RSPO3: variants seen among roughly 807,000 people sequenced by gnomAD.
The protein encoded by RSPO3 is R-spondin 3, also known as R-spondin-3.
A neutral mutation model predicts 36.5 loss-of-function variants in RSPO3; 17 were observed. That is an observed-to-expected ratio of 0.47 (90% CI 0.32 to 0.70). The LOEUF is 0.70. Ranked by LOEUF, RSPO3 falls within the 30% of genes least tolerant of loss-of-function variation. RSPO3 has a pLI of 0.04. For missense variants in RSPO3, 294 were observed against 322.5 expected, an observed-to-expected ratio of 0.91 and a Z score of 0.68; for synonymous variants, 108 against 107.0, an observed-to-expected ratio of 1.01 and a Z score of -0.06.
rs1775556205 is a variant in RSPO3 at position 127,198,367 on chromosome 6, G to A, written c.*2360G>A. On this transcript the variant is annotated 3_prime_UTR_variant, in exon 5 of 5. Transcript: ENST00000356698. ...TTTAACTGTAATTCTCCATCCACCA[G>A]TAACAGATCCTTAAGACAATAGAAT... is the stretch of plus-strand genomic sequence containing the variant. Among the ~76,000 whole-genome samples the A allele has an allele frequency of 6.6e-6, 1 of 152,198 alleles. No homozygotes were observed. The highest frequency in any genetic ancestry group is 1.5e-5 in the Non-Finnish European group (1 of 68,038).
Position 127,188,801 on chromosome 6 carries a change from TAAGA to T in RSPO3, c.635-7018_635-7015del, listed in dbSNP as rs1204784231. On this transcript the variant is annotated intron_variant, in intron 4 of 4. Transcript: ENST00000356698. ...CCAGCAAATTCAAATTTCAAGAGAT[TAAGA>T]AAGTACACTCCAAATCTTGATTTTT... Among the ~76,000 whole-genome samples, 3 of 152,174 alleles carry T rather than the reference TAAGA, an allele frequency of 2.0e-5. No homozygotes were observed. In the East Asian group the frequency reaches 5.8e-4, roughly 29 times the overall value.
chr6:127,169,476 ATGTAAT>A (rs1211455254), intron 4 of RSPO3, among the ~76,000 whole-genome samples: 2 of 151,828 alleles, frequency 1.3e-5, no homozygotes. Flanking sequence ...GCCTGTGCTG[ATGTAAT>A]TAAGAAGACT....
chr6:127,159,018 A>T (rs1195368826), intron 4 of RSPO3, among the ~76,000 whole-genome samples: 1 of 152,166 alleles, frequency 6.6e-6, no homozygotes, highest in Non-Finnish European at 1.5e-5. Context: ...AAGTAGAAGT[A>T]AACAAGGAGA....
chr6:127,197,265 A>T lies in RSPO3; in HGVS notation c.*1258A>T. 1 of 819,724 alleles carries T rather than the reference A, an allele frequency of 1.2e-6. No homozygotes were observed. Among genetic ancestry groups the T allele is most frequent in the Non-Finnish European group, 1.9e-6 (1 of 540,424 alleles). The allele number at this position is 819,724 out of a possible 1,614,324, so 50.8% of individuals were successfully genotyped here. ...GATATTTATTCCATTTTCTTATTTT[A>T]ATCAACATTCTAATTATAGACACAT... On this transcript the variant is annotated 3_prime_UTR_variant, in exon 5 of 5. Transcript: ENST00000356698.
chr6:127,146,526 T>G (rs1774387472), intron 1 of RSPO3, among the ~76,000 whole-genome samples: 1 of 152,078 alleles, frequency 6.6e-6, no homozygotes, highest in Non-Finnish European at 1.5e-5. Context: ...GGAATGTCAG[T>G]TTTTGAAGCT....
At chr6:127,119,341 CG>C (rs1452162135) in intron 1 of RSPO3, 52 bp downstream of exon 1, 1 of 1,386,574 alleles carries the variant, frequency 7.2e-7, no homozygotes, top group East Asian at 2.3e-5. Flanking sequence ...GTTCACCTGT[CG>C]GGTCGCTTTG....
chr6:127,121,539 G>A (rs1360544631), intron 1 of RSPO3, among the ~76,000 whole-genome samples: 1 of 152,174 alleles, frequency 6.6e-6, no homozygotes, highest in Non-Finnish European at 1.5e-5. Flanking sequence ...GTCTGCGTTT[G>A]CGGCTTGGTT....
chr6:127,192,808 T>A (rs1347828187), intron 4 of RSPO3: 2 of 522,938 alleles, frequency 3.8e-6, no homozygotes, highest in Non-Finnish European at 2.5e-6. Context: ...ATATGTCAGA[T>A]TGTCATAACT....
Position 127,148,803 on chromosome 6 carries a change from T to C in RSPO3, c.253T>C (p.Tyr85His). The C allele has an allele frequency of 6.2e-7, 1 of 1,612,410 alleles. No individual in the cohort carries two copies. Among genetic ancestry groups the C allele is most frequent in the Non-Finnish European group, 8.5e-7 (1 of 1,178,930 alleles). The change falls in exon 2 of 5, where the codon TAT becomes CAT. Residue 85 changes from tyrosine to histidine, a missense_variant. Physicochemically the swap from Tyr to His is moderately conservative, Grantham distance 83. Coordinates refer to ENST00000356698, the MANE Select transcript of RSPO3 (RefSeq NM_032784.5). ...TCTCTCTTCATGTCCAAGTGGATAT[T>C]ATGGAACTCGATATCCAGATATAAA... Reference protein sequence around the residue: ...VCLSSCPSGYYGTRYPDINKC... With the variant: ...VCLSSCPSGYHGTRYPDINKC...
At chr6:127,179,631 T>C (rs1345245615) in intron 4 of RSPO3, among the ~76,000 whole-genome samples, 1 of 151,890 alleles carries the variant, frequency 6.6e-6, no homozygotes, top group East Asian at 1.9e-4. Flanking sequence ...ACCAAAAACT[T>C]AGTGTCCTAA....
intron 4 of RSPO3, among the ~76,000 whole-genome samples, chr6:127,187,802 C>G (rs1162821190): frequency 6.6e-6 from 1 of 152,014 alleles, no homozygotes; most frequent in African/African-American, 2.4e-5. Flanking sequence ...CAAAAGAATG[C>G]AAAATCTAAA....
chr6:127,183,617 T>C (rs1033875265), intron 4 of RSPO3, among the ~76,000 whole-genome samples: 2 of 152,038 alleles, frequency 1.3e-5, no homozygotes, highest in African/African-American at 4.8e-5. Flanking sequence ...TTCATTTAAT[T>C]CATTCAACGA....
chr6:127,159,160 A>G (rs1274521487), intron 4 of RSPO3, among the ~76,000 whole-genome samples: 1 of 152,186 alleles, frequency 6.6e-6, no homozygotes, highest in Non-Finnish European at 1.5e-5. Context: ...GCAAAAGGGT[A>G]TATTTGTGTA....
chr6:127,125,596 T>C (rs1392575568), intron 1 of RSPO3, among the ~76,000 whole-genome samples: 4 of 152,198 alleles, frequency 2.6e-5, no homozygotes, highest in Non-Finnish European at 5.9e-5. Flanking sequence ...ACTTGTCTTA[T>C]TCAACTAAAT....
chr6:127,195,934 A>G lies in RSPO3; in HGVS notation c.746A>G (p.Glu249Gly). ...AGCAAAGAAATCCCAGAGCAACGAG[A>G]AAACAAACAGCAGCAGAAGAAGCGA... ...ESSKEIPEQR[E>G]NKQQQKKRKV... The change falls in exon 5 of 5, where the codon GAA (glutamate) becomes GGA (glycine). Residue 249 changes from glutamate (E) to glycine (G), a missense_variant. Glu to Gly is a moderately conservative substitution (Grantham distance 98). Coordinates refer to ENST00000356698, the MANE Select transcript of RSPO3 (RefSeq NM_032784.5). 1.2e-6 allele frequency: 2 copies of G among 1,613,422 alleles called. No individual in the cohort carries two copies. The highest frequency in any genetic ancestry group is 1.7e-6 in the Non-Finnish European group (2 of 1,179,512).
At chr6:127,180,051 T>C (rs1341720402) in intron 4 of RSPO3, among the ~76,000 whole-genome samples, 1 of 151,878 alleles carries the variant, frequency 6.6e-6, no homozygotes, top group African/African-American at 2.4e-5. Flanking sequence ...CTTTGGAAGT[T>C]CATAATTTCA....
intron 4 of RSPO3, among the ~76,000 whole-genome samples, chr6:127,159,375 CAG>C (rs1430337325): frequency 9.2e-5 from 14 of 152,178 alleles, no homozygotes; most frequent in Admixed American, 2.0e-4. Flanking sequence ...GAGAGAAGAG[CAG>C]AGCATGTTGC....
chr6:127,142,673 T>A (rs1019800257), intron 1 of RSPO3, among the ~76,000 whole-genome samples: 1 of 152,174 alleles, frequency 6.6e-6, no homozygotes, highest in African/African-American at 2.4e-5. Flanking sequence ...GTTTATGTAA[T>A]TTGCAACATG....
chr6:127,143,464 T>C (rs924596507), intron 1 of RSPO3, among the ~76,000 whole-genome samples: 1 of 152,202 alleles, frequency 6.6e-6, no homozygotes, highest in African/African-American at 2.4e-5. Flanking sequence ...ACAAGTATGC[T>C]TTGGAGAGAT....
Sources: gnomAD v4.1 joint callset for allele counts (sites outside exome capture counted in the v4.1 genomes callset) on GRCh38, gnomAD v4.1.1 for gene constraint, MANE v1.5 for transcripts, NCBI Gene and HGNC (gene_info 2026-07-23, HGNC 2026-07-21) for gene names.